NRXN3: variants seen among roughly 807,000 people sequenced by gnomAD.
The protein encoded by NRXN3 is neurexin 3.
NRXN3 carries 32 observed loss-of-function variants against 137.6 expected under a neutral mutation model. The ratio of observed to expected loss-of-function variants is 0.23; its 90% CI spans 0.18 to 0.31. The LOEUF is 0.31. Ranked by LOEUF, NRXN3 falls within the 10% of genes least tolerant of loss-of-function variation. The pLI, the probability that NRXN3 is intolerant of heterozygous loss-of-function variation, is 1.00. For missense variants in NRXN3, 1,574 were observed against 2,062.5 expected (o/e 0.76, Z 4.59); for synonymous variants, 798 against 784.5 (o/e 1.02, Z -0.29).
At chr14:79,722,017 A>G (rs893115428) in intron 19 of NRXN3, among the ~76,000 whole-genome samples, 2 of 152,140 alleles carry the variant, frequency 1.3e-5, no homozygotes, top group Non-Finnish European at 2.9e-5. Flanking sequence ...TACAGATTTT[A>G]TATCTCTGCT....
intron 8 of NRXN3, among the ~76,000 whole-genome samples, chr14:78,724,112 C>T (rs1449768187): frequency 6.6e-6 from 1 of 152,130 alleles, no homozygotes; most frequent in Non-Finnish European, 1.5e-5. Context: ...TGAAATTAAG[C>T]TAAAAGATTT....
At chr14:79,226,723 A>G (rs981489380) in intron 15 of NRXN3, among the ~76,000 whole-genome samples, 3 of 151,598 alleles carry the variant, frequency 2.0e-5, no homozygotes, top group African/African-American at 4.9e-5. Context: ...ATGACTTTTT[A>G]TACCCAATGT....
In NRXN3 at chr14:79,863,172, G is replaced by A. The variant is rs933197511; in HGVS notation, c.*1208G>A. 2.0e-5 allele frequency: 3 copies of A among 152,532 alleles called. No individual in the cohort carries two copies. Among genetic ancestry groups the A allele is most frequent in the Non-Finnish European group, 4.4e-5 (3 of 68,022 alleles). The allele number at this position is 152,532 out of a possible 1,614,324, so 9.4% of individuals were successfully genotyped here. ...CCCGAATGTGACAATGGTTTTCATA[G>A]TGGTTTAATTTTGTAGCCTGACATT... On this transcript the variant is annotated 3_prime_UTR_variant, in exon 21 of 21. Transcript: ENST00000335750.
intron 8 of NRXN3, among the ~76,000 whole-genome samples, chr14:78,745,756 A>C (rs1290628899): frequency 6.6e-6 from 1 of 152,200 alleles, no homozygotes; most frequent in East Asian, 1.9e-4. Context: ...TTGCATCTCA[A>C]TAGTTGATCC....
intron 16 of NRXN3, among the ~76,000 whole-genome samples, chr14:79,477,687 G>C (rs190448551): frequency 1.3e-5 from 2 of 152,076 alleles, no homozygotes; most frequent in Non-Finnish European, 1.5e-5. Context: ...TTTTGGCTCT[G>C]TTAAAAGAAT....
chr14:79,306,669 G>A (rs2086122680), intron 15 of NRXN3, among the ~76,000 whole-genome samples: 1 of 152,070 alleles, frequency 6.6e-6, no homozygotes, highest in Non-Finnish European at 1.5e-5. Context: ...TCTCCAAGAT[G>A]CTAGCTTTCT....
At chr14:79,727,338 A>ATAGAATT (rs2098896890) in intron 19 of NRXN3, among the ~76,000 whole-genome samples, 1 of 152,172 alleles carries the variant, frequency 6.6e-6, no homozygotes, top group African/African-American at 2.4e-5. Flanking sequence ...TTCGATAGGT[A>ATAGAATT]TAGAATTCTT....
chr14:78,437,924 A>G (rs1861081), intron 4 of NRXN3, among the ~76,000 whole-genome samples: 36,664 of 152,070 alleles, frequency 0.24, 6,280 homozygotes, highest in African/African-American at 0.47. Context: ...CCTGGAGAGT[A>G]GGGTTATTCT....
chr14:78,892,387 G>T (rs1035179885), intron 10 of NRXN3, among the ~76,000 whole-genome samples: 1 of 151,918 alleles, frequency 6.6e-6, no homozygotes, highest in Non-Finnish European at 1.5e-5. Flanking sequence ...AACTTAGCTC[G>T]TTTGAGTTGG....
chr14:78,897,199 T>G (rs1190857300), intron 10 of NRXN3, among the ~76,000 whole-genome samples: 2 of 151,926 alleles, frequency 1.3e-5, no homozygotes, highest in African/African-American at 4.8e-5. Flanking sequence ...AGTGTTTGTT[T>G]GTGCCGTGAT....
chr14:79,214,895 T>C (rs772481353), intron 15 of NRXN3, among the ~76,000 whole-genome samples: 12 of 152,220 alleles, frequency 7.9e-5, no homozygotes, highest in Non-Finnish European at 1.3e-4. Flanking sequence ...TTCACTTATA[T>C]GAAAAATATT....
intron 16 of NRXN3, among the ~76,000 whole-genome samples, chr14:79,628,316 A>G (rs565854972): frequency 6.6e-6 from 1 of 152,336 alleles, no homozygotes; most frequent in African/African-American, 2.4e-5. Context: ...GATTTTTGCT[A>G]GGCACAAGTT....
At chr14:78,669,960 A>G (rs2097919817) in intron 6 of NRXN3, among the ~76,000 whole-genome samples, 1 of 152,046 alleles carries the variant, frequency 6.6e-6, no homozygotes, top group Non-Finnish European at 1.5e-5. Flanking sequence ...TGCTGCACCC[A>G]TCAACCCGTC....
intron 4 of NRXN3, among the ~76,000 whole-genome samples, chr14:78,375,007 G>A (rs570144342): frequency 3.9e-5 from 6 of 152,240 alleles, no homozygotes; most frequent in African/African-American, 7.2e-5. Context: ...ATTAGAAAAT[G>A]TTTGCCATTC....
rs1221415184 is a variant in NRXN3 at position 78,177,949 on chromosome 14, G to T, written c.-704+7275G>T. 2.0e-5 allele frequency: 3 copies of T among 152,240 alleles called. No homozygotes were observed. In the East Asian group the frequency reaches 5.8e-4, roughly 29 times the overall value. 9.4% of individuals were successfully genotyped at this position (152,240 alleles called of 1,614,324 possible). A position where few individuals can be genotyped will look rare whatever the true frequency, so the allele number is the denominator to read the frequency against. On this transcript the variant is annotated intron_variant, in intron 1 of 20. Transcript: ENST00000335750. ...AACTACTTTTACTAAAGCTTCGATT[G>T]GCCAATATTTGAGACCTGACTATGG...
At position 78,321,862 on chromosome 14, in the gene NRXN3, G is replaced by A. The variant is rs548944051; in HGVS notation, c.757+24002G>A. Among the ~76,000 whole-genome samples, 28 of 152,060 alleles carry A rather than the reference G, an allele frequency of 1.8e-4. 1 individual carries two copies. The highest frequency in any genetic ancestry group is 3.3e-4 in the Admixed American group (5 of 15,290). On this transcript the variant is annotated intron_variant, in intron 4 of 20. Transcript: ENST00000335750. ...GAGTGTCTGTTGTGTGCTGGGCGTC[G>A]GAGATTCAGAGACCATGTTCCTTGA...
chr14:78,369,407 C>A (rs989396535), intron 4 of NRXN3, among the ~76,000 whole-genome samples: 1 of 152,128 alleles, frequency 6.6e-6, no homozygotes, highest in Non-Finnish European at 1.5e-5. Context: ...TTCCCAAGTG[C>A]CTCGTGTCCA....
intron 10 of NRXN3, among the ~76,000 whole-genome samples, chr14:78,831,469 A>T (rs1338644849): frequency 7.5e-6 from 1 of 132,654 alleles, no homozygotes; most frequent in African/African-American, 2.8e-5. Context: ...CAGGAGGCGG[A>T]CGTTGCAGTG....
At chr14:78,534,212 T>C (rs1375805126) in intron 4 of NRXN3, among the ~76,000 whole-genome samples, 3 of 152,226 alleles carry the variant, frequency 2.0e-5, no homozygotes, top group Admixed American at 6.5e-5. Context: ...TTTTGCTGCC[T>C]CTCTCTTAAA....
Sources: allele counts gnomAD v4.1 joint callset (sites outside exome capture counted in the v4.1 genomes callset), GRCh38; gene constraint gnomAD v4.1.1; transcripts MANE v1.5; gene names NCBI Gene and HGNC (gene_info 2026-07-23, HGNC 2026-07-21).